The following DNAH14 variants were observed in gnomAD, a reference collection of about 807,000 sequenced individuals.
DNAH14 encodes the protein axonemal beta dynein heavy chain 14.
Under a neutral mutation model 520.9 loss-of-function variants are expected in DNAH14, and 478 were observed. The observed-to-expected ratio is 0.92, with a 90% CI of 0.85 to 0.99. The LOEUF (loss-of-function observed/expected upper bound fraction) is 0.99. Among genes scored for constraint, DNAH14 ranks in the 50% least tolerant of loss-of-function variants. The pLI is 0.00. For missense variants in DNAH14, 4,831 were observed against 5,234.5 expected, an observed-to-expected ratio of 0.92 and a Z score of 2.38; for synonymous variants, 1,581 against 1,757.2, an observed-to-expected ratio of 0.90 and a Z score of 2.51.
intron 54 of DNAH14, 139 bp from the exon 55 acceptor site, chr1:225,289,746 A>G (rs929619020): frequency 2.2e-5 from 11 of 497,270 alleles, no homozygotes; most frequent in African/African-American, 4.0e-5. Context: ...GTTTAATATG[A>G]CTCCCAAAAG....
chr1:225,306,724 A>T (rs1204823633), intron 58 of DNAH14, among the ~76,000 whole-genome samples: 1 of 152,054 alleles, frequency 6.6e-6, no homozygotes, highest in East Asian at 1.9e-4. Context: ...CTATCCTAGA[A>T]CATCTCCCAC....
chr1:225,014,180 C>T (rs2065030495), intron 10 of DNAH14, among the ~76,000 whole-genome samples: 1 of 152,138 alleles, frequency 6.6e-6, no homozygotes, highest in African/African-American at 2.4e-5. Flanking sequence ...ATGGCATAGT[C>T]CCTCATGGCT....
At chr1:224,981,191 T>C (rs1351818006) in intron 8 of DNAH14, among the ~76,000 whole-genome samples, 1 of 152,218 alleles carries the variant, frequency 6.6e-6, no homozygotes, top group Non-Finnish European at 1.5e-5. Flanking sequence ...AGTTAGCTAG[T>C]ATATTGTTAA....
Position 225,374,320 on chromosome 1 carries a change from G to A in DNAH14, c.12319-368G>A, listed in dbSNP as rs1182098128. Among the ~76,000 whole-genome samples the A allele has an allele frequency of 1.1e-4, 16 of 143,370 alleles. No individual in the cohort carries two copies. The East Asian group carries it at 1.3e-3, about 11-fold the overall frequency. The allele number at this position is 143,370 out of a possible 152,430, so 94.1% of individuals were successfully genotyped here. On this transcript the variant is annotated intron_variant, in intron 77 of 85. Coordinates refer to ENST00000682510, the MANE Select transcript of DNAH14 (RefSeq NM_001367479.1). ...TCTGTCGCCCAGGCTGGAGTACAGC[G>A]GCCTGATCTCAGCTCACTGTGATCC...
intron 1 of DNAH14, among the ~76,000 whole-genome samples, chr1:224,943,503 G>T (rs2059574013): frequency 6.6e-6 from 1 of 152,024 alleles, no homozygotes; most frequent in African/African-American, 2.4e-5. Context: ...CTTCAGTTCT[G>T]CTCTGATCTT....
chr1:224,982,064 T>C (rs1440572076), intron 8 of DNAH14, among the ~76,000 whole-genome samples: 2 of 152,184 alleles, frequency 1.3e-5, no homozygotes, highest in African/African-American at 4.8e-5. Context: ...AACTAACCTT[T>C]GAGACAAATG....
intron 17 of DNAH14, among the ~76,000 whole-genome samples, chr1:225,059,036 T>C (rs1196477478): frequency 2.0e-5 from 3 of 152,336 alleles, no homozygotes; most frequent in Non-Finnish European, 4.4e-5. Context: ...TAGATGTCTA[T>C]TAGGTCCGCT....
intron 8 of DNAH14, among the ~76,000 whole-genome samples, chr1:224,988,716 G>A (rs1299204354): frequency 6.6e-6 from 1 of 152,182 alleles, no homozygotes; most frequent in African/African-American, 2.4e-5. Context: ...TGTGATCATA[G>A]CTCACTGCAG....
chr1:225,245,700 A>G (rs1335850728), intron 43 of DNAH14, among the ~76,000 whole-genome samples: 1 of 152,214 alleles, frequency 6.6e-6, no homozygotes, highest in Non-Finnish European at 1.5e-5. Flanking sequence ...GGAGAACTAC[A>G]AACTGCTGCT....
At chr1:225,336,388 A>G (rs2095055645) in intron 66 of DNAH14, among the ~76,000 whole-genome samples, 1 of 152,124 alleles carries the variant, frequency 6.6e-6, no homozygotes, top group Non-Finnish European at 1.5e-5. Context: ...CTCATTTTAC[A>G]ATAGGAATTG....
At chr1:224,935,748 C>T (rs1342975863) in intron 1 of DNAH14, among the ~76,000 whole-genome samples, 1 of 151,772 alleles carries the variant, frequency 6.6e-6, no homozygotes, top group Non-Finnish European at 1.5e-5. Flanking sequence ...TTCTGTCCAA[C>T]AATTGCAGAA....
At chr1:225,172,762 A>C (rs2149240078) in intron 36 of DNAH14, among the ~76,000 whole-genome samples, 1 of 152,270 alleles carries the variant, frequency 6.6e-6, no homozygotes, top group East Asian at 1.9e-4. Flanking sequence ...GGAAAAAACT[A>C]AAATTCATAT....
In DNAH14 at chr1:225,377,358, G is replaced by A. The variant is rs761295153; in HGVS notation, c.12638G>A (p.Trp4213Ter). The change falls in exon 79 of 86, where the codon TGG becomes TAG. Residue 4213 changes from tryptophan (W) to a stop codon, truncating the protein, a stop_gained. Coordinates refer to ENST00000682510, the MANE Select transcript of DNAH14 (RefSeq NM_001367479.1). LOFTEE classifies it high-confidence loss of function. ...GIHPEAIRSC[W>*]ETQGEKFIEN... ...CACCCAGAGGCCATCAGGAGCTGCT[G>A]GGAGACCCAGGGCGAAAAGTTTATT... 1.1e-5 allele frequency: 17 copies of A among 1,550,994 alleles called. No individual in the cohort carries two copies. The Admixed American group carries it at 2.6e-4, about 23-fold the overall frequency.
chr1:225,146,793 C>T (rs2079988150), intron 30 of DNAH14, among the ~76,000 whole-genome samples: 1 of 152,232 alleles, frequency 6.6e-6, no homozygotes, highest in Non-Finnish European at 1.5e-5. Flanking sequence ...AGGGAAATGG[C>T]TGTCCAGGGA....
intron 77 of DNAH14, among the ~76,000 whole-genome samples, chr1:225,369,414 T>C (rs973191525): frequency 1.3e-5 from 2 of 151,880 alleles, no homozygotes; most frequent in Non-Finnish European, 2.9e-5. Flanking sequence ...GAAATGGCAA[T>C]ATTAATATTA....
rs139788342 is a variant in DNAH14 at position 225,144,991 on chromosome 1, CAG to C, written c.4741-325_4741-324del. ...AGGGACAGAGAGAGACAGAAAGAGA[CAG>C]AGAGAGAGAAAGACAGAGAAAAGCA... On this transcript the variant is annotated intron_variant, in intron 29 of 85. Transcript: ENST00000682510. 5.0e-3 allele frequency among the ~76,000 whole-genome samples: 758 copies of C among 151,698 alleles called. 6 individuals are homozygous for C. Among genetic ancestry groups the C allele is most frequent in the African/African-American group, 0.017 (713 of 41,374 alleles).
chr1:225,043,234 A>G, intron 13 of DNAH14, 120 bp downstream of exon 13: 1 of 704,636 alleles, frequency 1.4e-6, no homozygotes, highest in Non-Finnish European at 2.1e-6. Context: ...GTTTGAGACC[A>G]GCCTGGGCAA....
rs183797653 is a variant in DNAH14, at chr1:225,250,297, G to C, written c.6749-2004G>C. Among the ~76,000 whole-genome samples, 15 of 152,302 alleles carry C rather than the reference G, an allele frequency of 9.8e-5. No homozygotes were observed. In the East Asian group the frequency reaches 2.7e-3, roughly 27 times the overall value. On this transcript the variant is annotated intron_variant, in intron 43 of 85. Transcript: ENST00000682510. The stretch of plus-strand genomic sequence containing the variant: ...ATAGCCATTCCAGTGGGTATGAAAT[G>C]TATCTCACTGTGGTTTTAATCTGCA...
At position 225,259,219 on chromosome 1, in the gene DNAH14, G is replaced by A. The variant is rs760743552; in HGVS notation, c.7123G>A (p.Asp2375Asn). ...FDIKHGSILG[D>N]TLLYSEIKKS... ...CATAAAACATGGTTCAATTTTAGGA[G>A]ACACCCTATTATATAGTGAAATAAA... The change falls in exon 46 of 86, where the codon GAC becomes AAC. Residue 2375 changes from aspartate (D) to asparagine (N), a missense_variant. By Grantham distance (23) the Asp-to-Asn change is conservative. Transcript: ENST00000682510. 1 of 1,534,620 alleles carries A rather than the reference G, an allele frequency of 6.5e-7. No individual in the cohort carries two copies. The highest frequency in any genetic ancestry group is 1.2e-5 in the South Asian group (1 of 82,518).
Sources: gnomAD v4.1 joint callset for allele counts (sites outside exome capture counted in the v4.1 genomes callset) on GRCh38, gnomAD v4.1.1 for gene constraint, MANE v1.5 for transcripts, NCBI Gene and HGNC (gene_info 2026-07-23, HGNC 2026-07-21) for gene names.